FREM2: variants seen among roughly 807,000 people sequenced by gnomAD.
The protein encoded by FREM2 is FRAS1 related extracellular matrix 2.
Under a neutral mutation model 219.9 loss-of-function variants are expected in FREM2, and 119 were observed. The observed-to-expected ratio is 0.54, with a 90% CI of 0.47 to 0.63. The LOEUF is 0.63. FREM2 is among the 30% of genes least tolerant of loss of function. The probability of loss-of-function intolerance (pLI) is 0.00; values close to 1 mark genes in which losing one functional copy is unlikely to be tolerated. For missense variants in FREM2, 4,030 were observed against 3,993.6 expected (o/e 1.01, Z -0.25); for synonymous variants, 1,562 against 1,522.8 (o/e 1.03, Z -0.60).
chr13:38,697,841 T>G, intron 2 of FREM2, 54 bp downstream of exon 2: 1 of 950,596 alleles, frequency 1.1e-6, no homozygotes, highest in Non-Finnish European at 1.7e-6. Flanking sequence ...TTTTCTTGGT[T>G]GCTCTCTGAT....
chr13:38,865,151 T>G (rs552577256), intron 16 of FREM2, among the ~76,000 whole-genome samples: 1 of 152,316 alleles, frequency 6.6e-6, no homozygotes, highest in Admixed American at 6.5e-5. Context: ...TTTGATTCAT[T>G]TATCTATCAT....
chr13:38,875,984 C>T (rs771758086), intron 18 of FREM2, 38 bp from the exon 19 acceptor site: 12 of 1,571,192 alleles, frequency 7.6e-6, no homozygotes, highest in Non-Finnish European at 1.1e-5. Flanking sequence ...TTTAATTGAA[C>T]CACTATATCA....
rs1390858821 is a variant in FREM2 at position 38,881,322 on chromosome 13, A to T, written c.*535A>T. 6.2e-6 allele frequency: 1 copy of T among 162,162 alleles called. No homozygotes were observed. Among genetic ancestry groups the T allele is most frequent in the African/African-American group, 2.4e-5 (1 of 41,560 alleles). The allele number at this position is 162,162 out of a possible 1,614,324, so 10.0% of individuals were successfully genotyped here. ...AATTATGACCAGGGTGGCTCAACCCACAAATCAACTGATCTACTACTTGGG... is the reference window on the plus strand; with the variant it reads ...AATTATGACCAGGGTGGCTCAACCCTCAAATCAACTGATCTACTACTTGGG... On this transcript the variant is annotated 3_prime_UTR_variant, in exon 24 of 24. Coordinates refer to ENST00000280481, the MANE Select transcript of FREM2 (RefSeq NM_207361.6).
intron 6 of FREM2, among the ~76,000 whole-genome samples, chr13:38,802,347 G>C (rs775747271): frequency 2.0e-5 from 3 of 152,158 alleles, no homozygotes; most frequent in Non-Finnish European, 4.4e-5. Context: ...ACAATTACCT[G>C]CTTGGCCTCT....
rs554543035 is a variant in FREM2, at chr13:38,810,455, C to T, written c.6019+25647C>T. 2.0e-5 allele frequency among the ~76,000 whole-genome samples: 3 copies of T among 151,844 alleles called. No individual in the cohort carries two copies. The East Asian group carries it at 5.8e-4, about 29-fold the overall frequency. On this transcript the variant is annotated intron_variant, in intron 6 of 23. Coordinates refer to ENST00000280481, the MANE Select transcript of FREM2 (RefSeq NM_207361.6). ...ATTCAGTATGATGCTAGCTGTGGGTCTGTTTTATATGGTTTTCATTATGTT... is the reference window on the plus strand; with the variant it reads ...ATTCAGTATGATGCTAGCTGTGGGTTTGTTTTATATGGTTTTCATTATGTT...
At chr13:38,869,325 C>A (rs1385518569) in intron 16 of FREM2, among the ~76,000 whole-genome samples, 5 of 152,158 alleles carry the variant, frequency 3.3e-5, no homozygotes, top group African/African-American at 9.7e-5. Context: ...CTGTTAACAG[C>A]AATGAAGTGT....
chr13:38,840,557 G>C (rs1409189394), intron 6 of FREM2, among the ~76,000 whole-genome samples: 1 of 150,464 alleles, frequency 6.6e-6, no homozygotes. Flanking sequence ...GCCAAGTAGA[G>C]AGTGTAAGGT....
At position 38,755,393 on chromosome 13, in the gene FREM2, C is replaced by G. The variant is rs367619135; in HGVS notation, c.5264-8911C>G. Among the ~76,000 whole-genome samples the G allele has an allele frequency of 9.9e-5, 15 of 152,232 alleles. No homozygotes were observed. In the East Asian group the frequency reaches 2.7e-3, roughly 28 times the overall value. On this transcript the variant is annotated intron_variant, in intron 2 of 23. Transcript: ENST00000280481. ...CCACATAACTGTGTGGTGATATTTT[C>G]TGTTATTCTCTATTGAAGGAAAAGG...
At position 38,856,171 on chromosome 13, in the gene FREM2, A is replaced by G. The variant is rs1354648797; in HGVS notation, c.6971A>G (p.Glu2324Gly). The stretch of plus-strand genomic sequence containing the variant: ...GAAACCCAGCACGTGGTTGAAATCG[A>G]AGTTACCTTTGACGGGGTGAGAGAG... ...EGETQHVVEI[E>G]VTFDGVREMR... The change falls in exon 12 of 24, where the codon GAA becomes GGA. Residue 2324 changes from glutamate to glycine, a missense_variant. Glu to Gly is a moderately conservative substitution (Grantham distance 98). Around this residue, in one of 2 missense-constraint regions of FREM2, gnomAD observed 3,102 missense variants for 2,950.7 expected, o/e 1.05. Coordinates refer to ENST00000280481, the MANE Select transcript of FREM2 (RefSeq NM_207361.6). The G allele has an allele frequency of 1.2e-6, 2 of 1,612,262 alleles. No individual in the cohort carries two copies. The highest frequency in any genetic ancestry group is 1.3e-5 in the African/African-American group (1 of 74,868).
At chr13:38,834,193 A>G (rs11618935) in intron 6 of FREM2, among the ~76,000 whole-genome samples, 5,046 of 136,676 alleles carry the variant, frequency 0.037, 136 homozygotes, top group Middle Eastern at 0.077. Flanking sequence ...AATAGGCCCC[A>G]GTGTGTGATG....
rs772219385 is a variant in FREM2 at position 38,690,951 on chromosome 13, G to A, written c.3607G>A (p.Gly1203Ser). The change falls in exon 1 of 24, where the codon GGC becomes AGC. Residue 1203 changes from glycine to serine, a missense_variant. Coordinates refer to ENST00000280481, the MANE Select transcript of FREM2 (RefSeq NM_207361.6). ...MFMREFMVME[G>S]MSLVIDTPIL... ...TATGAGAGAATTTATGGTGATGGAA[G>A]GCATGAGTCTGGTAATTGATACACC... is the stretch of plus-strand genomic sequence containing the variant. 90 of 1,614,042 alleles carry A rather than the reference G, an allele frequency of 5.6e-5. No individual in the cohort carries two copies. The highest frequency in any genetic ancestry group is 6.9e-5 in the Non-Finnish European group (82 of 1,180,038).
intron 3 of FREM2, among the ~76,000 whole-genome samples, chr13:38,767,794 T>C (rs77981701): frequency 6.6e-6 from 1 of 152,364 alleles, no homozygotes; most frequent in East Asian, 1.9e-4. Flanking sequence ...AATTCCTGGT[T>C]CTGTGCCCTT....
chr13:38,859,327 C>T lies in FREM2; in HGVS notation c.7256C>T (p.Ser2419Phe). Residue 2419 changes from serine (S) to phenylalanine (F), a missense_variant, in exon 14 of 24, where the codon TCT (serine) becomes TTT (phenylalanine). Physicochemically the swap from Ser to Phe is radical, Grantham distance 155. This residue lies in a region of FREM2 where 928 missense variants were observed against 1,042.9 expected (regional missense o/e 0.89). Coordinates refer to ENST00000280481, the MANE Select transcript of FREM2 (RefSeq NM_207361.6). ...TATTCAGACTACGATAAAACAGGCT[C>T]TATCTGTGCAAGTGAGAACATCAAT... Reference protein sequence around the residue: ...PKYSDYDKTGSICASENINDT... With the variant: ...PKYSDYDKTGFICASENINDT... The T allele has an allele frequency of 1.9e-6, 3 of 1,614,174 alleles. No homozygotes were observed. The highest frequency in any genetic ancestry group is 1.1e-5 in the South Asian group (1 of 91,076).
chr13:38,741,672 T>C (rs1371681316), intron 2 of FREM2, among the ~76,000 whole-genome samples: 2 of 152,208 alleles, frequency 1.3e-5, no homozygotes, highest in African/African-American at 2.4e-5. Context: ...GCTCCCGAAC[T>C]CTTACCCTTT....
chr13:38,688,479 C>G lies in FREM2; in HGVS notation c.1135C>G (p.Pro379Ala). Residue 379 changes from proline to alanine, a missense_variant, in exon 1 of 24, where the codon CCC (proline) becomes GCC (alanine). By Grantham distance (27) the Pro-to-Ala change is conservative. Around this residue, in one of 2 missense-constraint regions of FREM2, gnomAD observed 3,102 missense variants for 2,950.7 expected, o/e 1.05. Transcript: ENST00000280481. ...YLVSTDDRSLPLSSFTQRDLR... is the reference protein window; with the variant it reads ...YLVSTDDRSLALSSFTQRDLR... ...GGTGAGCACCGATGATCGCAGCCTG[C>G]CCCTTTCCTCCTTCACTCAGAGGGA... is the stretch of plus-strand genomic sequence containing the variant. The G allele has an allele frequency of 6.2e-7, 1 of 1,614,128 alleles. No homozygotes were observed.
intron 2 of FREM2, among the ~76,000 whole-genome samples, chr13:38,746,796 T>C (rs1470460648): frequency 6.6e-6 from 1 of 152,176 alleles, no homozygotes; most frequent in East Asian, 1.9e-4. Flanking sequence ...GAGTGAGGGC[T>C]TTAAATGACC....
intron 6 of FREM2, among the ~76,000 whole-genome samples, chr13:38,815,694 G>C (rs1457021113): frequency 6.6e-6 from 1 of 152,216 alleles, no homozygotes; most frequent in Non-Finnish European, 1.5e-5. Flanking sequence ...CACCTGTTCA[G>C]TTTTTGATGA....
At chr13:38,856,358 C>T in intron 12 of FREM2, 102 bp downstream of exon 12, 1 of 1,079,778 alleles carries the variant, frequency 9.3e-7, no homozygotes, top group Non-Finnish European at 1.4e-6. Context: ...AGACTTTGAA[C>T]AAGCCTTACG....
In FREM2 at chr13:38,880,727, C is replaced by T; in HGVS notation, c.9450C>T (p.Ser3150=). Residue 3150 remains serine, a synonymous_variant, in exon 24 of 24, where the codon TCC becomes TCT. Coordinates refer to ENST00000280481, the MANE Select transcript of FREM2 (RefSeq NM_207361.6). The part of the protein sequence containing the change: ...SFRGKDAPKG[S]SSSEPMVPPQ... ...GGGGGAAGGATGCCCCGAAAGGCTC[C>T]AGCAGCAGTGAGCCCATGGTGCCCC... 4 of 1,614,180 alleles carry T rather than the reference C, an allele frequency of 2.5e-6. No individual in the cohort carries two copies. The highest frequency in any genetic ancestry group is 3.4e-6 in the Non-Finnish European group (4 of 1,180,040).
Sources: gnomAD v4.1 joint callset for allele counts (sites outside exome capture counted in the v4.1 genomes callset) on GRCh38, gnomAD v4.1.1 for gene constraint, gnomAD v4.1.1 regional missense constraint, MANE v1.5 for transcripts, NCBI Gene and HGNC (gene_info 2026-07-23, HGNC 2026-07-21) for gene names.